PLEKHA1: variants seen among roughly 807,000 people sequenced by gnomAD.
PLEKHA1 encodes the protein pleckstrin homology domain containing A1.
In PLEKHA1, 34 loss-of-function variants were observed where a neutral mutation model predicts 52.0. The ratio of observed to expected loss-of-function variants is 0.65; its 90% confidence interval spans 0.50 to 0.87. The LOEUF is 0.87. Ranked by LOEUF, PLEKHA1 falls within the 40% of genes least tolerant of loss-of-function variation. The pLI, the probability that PLEKHA1 is intolerant of heterozygous loss-of-function variation, is 0.00. For synonymous variants in PLEKHA1, 163 were observed against 170.7 expected (o/e 0.95, Z 0.35); for missense variants, 497 against 504.2 (o/e 0.99, Z 0.14).
At chr10:122,395,594 AAAATGGCAATGTC>A (rs544005069) in intron 2 of PLEKHA1, among the ~76,000 whole-genome samples, 2,104 of 152,308 alleles carry the variant, frequency 0.014, 28 homozygotes, top group Non-Finnish European at 0.018. Flanking sequence ...AATTACTAAA[AAAATGGCAATGTC>A]ATATGGTTCA....
chr10:122,439,211 T>G, the PLEKHA1 span: 1 of 152,338 alleles, frequency 6.6e-6, no homozygotes, highest in East Asian at 1.9e-4. Context: ...TCATTACATT[T>G]CTGGAATAAA....
intron 1 of PLEKHA1, among the ~76,000 whole-genome samples, chr10:122,391,501 C>A (rs939146916): frequency 6.6e-6 from 1 of 152,124 alleles, no homozygotes; most frequent in Non-Finnish European, 1.5e-5. Context: ...TGTACCAGCA[C>A]CAGTTGTTGA....
intron 5 of PLEKHA1, chr10:122,411,741 A>C (rs919488966): frequency 2.0e-5 from 3 of 152,310 alleles, no homozygotes; most frequent in African/African-American, 7.2e-5. Flanking sequence ...CACACTAATA[A>C]ACGGTTTGAG....
In PLEKHA1 at chr10:122,424,169, C is replaced by G; in HGVS notation, c.682-30C>G. 4 of 728,554 alleles carry G rather than the reference C, an allele frequency of 5.5e-6. No individual in the cohort carries two copies. In the South Asian group the frequency reaches 7.9e-5, roughly 14 times the overall value. 45.1% of individuals were successfully genotyped at this position (728,554 alleles called of 1,614,324 possible). A position where few individuals can be genotyped will look rare whatever the true frequency, so the allele number is the denominator to read the frequency against. On this transcript the variant is annotated intron_variant, in intron 8 of 11. Transcript: ENST00000368990. ...GATTTTAAGAATAAACATCATGTAA[C>G]TGTTTTTTTTTTTTTTTTTTTTTTG...
At chr10:122,427,109 C>A (rs139620098) in intron 11 of PLEKHA1, 78 bp downstream of exon 11, 2 of 1,312,310 alleles carry the variant, frequency 1.5e-6, no homozygotes, top group Admixed American at 2.2e-5. Context: ...CCAATCCATC[C>A]GGTTTCTTTC....
Position 122,393,374 on chromosome 10 carries a change from G to A in PLEKHA1, c.141+33G>A, listed in dbSNP as rs1290003199. ...AAATCCCAAGGATTATCTTTTAAAA[G>A]CACAGAAAGTTGTATTTAAGTATTT... On this transcript the variant is annotated intron_variant, in intron 2 of 11. Transcript: ENST00000368990. The surrounding 1 kb of genome is among the most constrained non-coding windows in gnomAD (Gnocchi z 4.5). 2 of 1,565,120 alleles carry A rather than the reference G, an allele frequency of 1.3e-6. No homozygotes were observed. Among genetic ancestry groups the A allele is most frequent in the Non-Finnish European group, 1.7e-6 (2 of 1,157,616 alleles).
intron 5 of PLEKHA1, chr10:122,411,715 C>G (rs370960320): frequency 6.6e-6 from 1 of 152,140 alleles, no homozygotes; most frequent in Non-Finnish European, 1.5e-5. Flanking sequence ...TTTGAGAAAT[C>G]ACACTGCTTT....
At chr10:122,409,381 G>A (rs1352317212) in intron 5 of PLEKHA1, among the ~76,000 whole-genome samples, 1 of 152,128 alleles carries the variant, frequency 6.6e-6, no homozygotes, top group Non-Finnish European at 1.5e-5. Context: ...ATCAATGACT[G>A]GAGTGAGGAA....
the PLEKHA1 span, chr10:122,441,939 T>C: frequency 6.6e-6 from 1 of 152,242 alleles, no homozygotes; most frequent in African/African-American, 2.4e-5. Flanking sequence ...TGATGTGGAT[T>C]GTGCTACAGG....
At chr10:122,423,501 G>C (rs938966018) in intron 8 of PLEKHA1, 2 of 151,492 alleles carry the variant, frequency 1.3e-5, no homozygotes, top group Non-Finnish European at 1.5e-5. Flanking sequence ...ATAAAGTAAT[G>C]GTATGTCTTA....
At chr10:122,399,363 T>G (rs2096895075) in intron 3 of PLEKHA1, among the ~76,000 whole-genome samples, 1 of 152,024 alleles carries the variant, frequency 6.6e-6, no homozygotes, top group South Asian at 2.1e-4. Flanking sequence ...GGTACTTGAT[T>G]TAAAGGGATA....
At chr10:122,423,692 G>C (rs1333192760) in intron 8 of PLEKHA1, 1 of 153,814 alleles carries the variant, frequency 6.5e-6, no homozygotes, top group Non-Finnish European at 1.4e-5. Context: ...ATGTGTTGTA[G>C]GGTTGGGGAA....
At position 122,393,534 on chromosome 10, in the gene PLEKHA1, A is replaced by G. The variant is rs540840154; in HGVS notation, c.141+193A>G. Among the ~76,000 whole-genome samples, 2 of 152,306 alleles carry G rather than the reference A, an allele frequency of 1.3e-5. No homozygotes were observed. The highest frequency in any genetic ancestry group is 4.8e-5 in the African/African-American group (2 of 41,570). ...AATTTCAGAAGGTGAAACTAAGTTT[A>G]TTTGATAAAAATTAATGCTTCTGTA... is the stretch of plus-strand genomic sequence containing the variant. On this transcript the variant is annotated intron_variant, in intron 2 of 11. Transcript: ENST00000368990. The surrounding 1 kb of genome is among the most constrained non-coding windows in gnomAD (Gnocchi z 4.5).
At chr10:122,415,732 G>C (rs770194989) in intron 6 of PLEKHA1, 127 bp from the exon 7 acceptor site, 43 of 916,996 alleles carry the variant, frequency 4.7e-5, no homozygotes, top group Non-Finnish European at 6.6e-5. Context: ...AGATTAATTA[G>C]AAAACTCTTC....
downstream of PLEKHA1, chr10:122,435,205 T>G (rs1023311448): frequency 6.6e-6 from 1 of 152,204 alleles, no homozygotes; most frequent in Non-Finnish European, 1.5e-5. Context: ...TATGACAGCT[T>G]AATACCAGAT....
chr10:122,439,025 G>A, the PLEKHA1 span: 1 of 152,156 alleles, frequency 6.6e-6, no homozygotes, highest in African/African-American at 2.4e-5. Context: ...CTGGCTTTTG[G>A]GCTGAGAAAT....
At chr10:122,389,236 A>G (rs1319035278) in intron 1 of PLEKHA1, among the ~76,000 whole-genome samples, 1 of 152,256 alleles carries the variant, frequency 6.6e-6, no homozygotes, top group Non-Finnish European at 1.5e-5. Flanking sequence ...GAAAGTTGAA[A>G]TTACTCTTTG....
At chr10:122,400,676 A>AT (rs2096915431) in intron 4 of PLEKHA1, among the ~76,000 whole-genome samples, 1 of 152,206 alleles carries the variant, frequency 6.6e-6, no homozygotes, top group Non-Finnish European at 1.5e-5. Context: ...ATTTCAGGGA[A>AT]TTTTAAACTT....
intron 1 of PLEKHA1, among the ~76,000 whole-genome samples, chr10:122,385,311 CTTTTTTTTTT>C (rs1196217497): frequency 2.1e-5 from 2 of 96,476 alleles, no homozygotes; most frequent in Non-Finnish European, 3.8e-5. Flanking sequence ...TTGTGTCTGG[CTTTTTTTTTT>C]TTTTTTTTTT....
Sources: allele counts gnomAD v4.1 joint callset (sites outside exome capture counted in the v4.1 genomes callset), GRCh38; gene constraint gnomAD v4.1.1; non-coding constraint Gnocchi (gnomAD v3.1); transcripts MANE v1.5; gene names NCBI Gene and HGNC (gene_info 2026-07-23, HGNC 2026-07-21).